Variants in NGLY1 observed in about 807,000 individuals in gnomAD.
NGLY1 encodes peptide-N(4)-(N-acetyl-beta-glucosaminyl)asparagine amidase.
A neutral mutation model predicts 84.6 loss-of-function variants in NGLY1; 68 were observed. The ratio of observed to expected loss-of-function variants is 0.80; its 90% CI spans 0.66 to 0.98. NGLY1 has a LOEUF of 0.98. NGLY1 is among the 50% of genes least tolerant of loss of function. NGLY1 has a pLI of 0.00. For missense variants in NGLY1, 779 were observed against 770.2 expected, an observed-to-expected ratio of 1.01 and a Z score of -0.14; for synonymous variants, 280 against 275.2, an observed-to-expected ratio of 1.02 and a Z score of -0.17.
chr3:25,766,402 T>A (rs1036473267), intron 2 of NGLY1, among the ~76,000 whole-genome samples: 1 of 152,072 alleles, frequency 6.6e-6, no homozygotes, highest in African/African-American at 2.4e-5. Context: ...TCAGGGAAGT[T>A]AACCTGCTTG....
chr3:25,731,495 G>C (rs958931938), intron 9 of NGLY1, among the ~76,000 whole-genome samples: 2 of 152,080 alleles, frequency 1.3e-5, no homozygotes, highest in Admixed American at 1.3e-4. Context: ...TACTGCTGGT[G>C]AGAGTATAAG....
intron 2 of NGLY1, among the ~76,000 whole-genome samples, chr3:25,772,000 C>A (rs1292390532): frequency 1.3e-5 from 2 of 152,126 alleles, no homozygotes; most frequent in Non-Finnish European, 2.9e-5. Context: ...TTCCTCTTTA[C>A]CAATTTTGAT....
intron 2 of NGLY1, among the ~76,000 whole-genome samples, chr3:25,767,699 T>C (rs1707658487): frequency 1.3e-5 from 2 of 152,230 alleles, no homozygotes; most frequent in African/African-American, 4.8e-5. Context: ...AATTTTGGGA[T>C]AGGTCTTAGG....
chr3:25,775,135 T>G (rs189867049), intron 2 of NGLY1, among the ~76,000 whole-genome samples: 3 of 152,356 alleles, frequency 2.0e-5, no homozygotes, highest in African/African-American at 7.2e-5. Context: ...CTCATGGAAT[T>G]TGCAGCAGCA....
At chr3:25,729,483 A>T (rs1705429812) in intron 9 of NGLY1, 165 bp from the exon 10 acceptor site, 2 of 388,700 alleles carry the variant, frequency 5.1e-6, no homozygotes, top group East Asian at 7.6e-5. Context: ...TATAATCAGT[A>T]TGATGTTATT....
intron 10 of NGLY1, among the ~76,000 whole-genome samples, chr3:25,721,940 G>A (rs747369911): frequency 2.0e-5 from 3 of 151,272 alleles, no homozygotes; most frequent in Non-Finnish European, 2.9e-5. Flanking sequence ...ATTTAGTGCC[G>A]GGCACAGTCA....
rs79624004 is a variant in NGLY1, at chr3:25,766,434, A to G, written c.247-2123T>C. Among the ~76,000 whole-genome samples the G allele has an allele frequency of 4.1e-3, 631 of 152,328 alleles. 4 individuals are homozygous for G. The highest frequency in any genetic ancestry group is 0.015 in the African/African-American group (609 of 41,568). ...CTTGAAGCCACAGAACAACTGGCAG[A>G]GCAGGGATTCAGACTCCATGACCTT... On this transcript the variant is annotated intron_variant, in intron 2 of 11. Coordinates refer to ENST00000280700, the MANE Select transcript of NGLY1 (RefSeq NM_018297.4).
intron 1 of NGLY1, among the ~76,000 whole-genome samples, chr3:25,779,695 A>C (rs1295024510): frequency 6.6e-6 from 1 of 152,154 alleles, no homozygotes; most frequent in Non-Finnish European, 1.5e-5. Context: ...CTGACGTAAA[A>C]ACAAAACCAA....
intron 3 of NGLY1, among the ~76,000 whole-genome samples, chr3:25,761,801 A>C (rs985807747): frequency 4.6e-5 from 7 of 152,244 alleles, no homozygotes; most frequent in African/African-American, 1.7e-4. Context: ...CATGGGAAAC[A>C]ACCCAAATGT....
chr3:25,774,882 C>T (rs1352365990), intron 2 of NGLY1, among the ~76,000 whole-genome samples: 1 of 152,196 alleles, frequency 6.6e-6, no homozygotes, highest in African/African-American at 2.4e-5. Flanking sequence ...TGTGGTCTTT[C>T]CCCAATTCCA....
chr3:25,759,158 G>A (rs1366635825), intron 3 of NGLY1, among the ~76,000 whole-genome samples: 1 of 152,188 alleles, frequency 6.6e-6, no homozygotes, highest in African/African-American at 2.4e-5. Context: ...GATACAGGGA[G>A]AGAGGAGCAA....
intron 4 of NGLY1, among the ~76,000 whole-genome samples, chr3:25,745,787 C>T (rs2125499916): frequency 1.3e-5 from 2 of 152,200 alleles, no homozygotes; most frequent in South Asian, 4.1e-4. Context: ...GATTAATCTT[C>T]CTTAAATACA....
At chr3:25,720,985 C>T (rs1704960114) in intron 10 of NGLY1, among the ~76,000 whole-genome samples, 2 of 152,100 alleles carry the variant, frequency 1.3e-5, no homozygotes, top group South Asian at 4.1e-4. Flanking sequence ...AAAGAAACCC[C>T]TTCCTCACTA....
chr3:25,785,675 A>AAAAAAC (rs1708588304), upstream of NGLY1, among the ~76,000 whole-genome samples: 1 of 152,102 alleles, frequency 6.6e-6, no homozygotes, highest in African/African-American at 2.4e-5. Flanking sequence ...CTCTACAAAA[A>AAAAAAC]AAAAACAAAA....
At chr3:25,778,806 T>G in intron 1 of NGLY1, 118 bp from the exon 2 acceptor site, 1 of 481,090 alleles carries the variant, frequency 2.1e-6, no homozygotes, top group Non-Finnish European at 3.8e-6. Context: ...ATTTTCTTTC[T>G]TCCCTAAACC....
chr3:25,768,990 A>G (rs1008791122), intron 2 of NGLY1, among the ~76,000 whole-genome samples: 9 of 152,236 alleles, frequency 5.9e-5, no homozygotes, highest in African/African-American at 2.2e-4. Context: ...AAACTATTCA[A>G]ATGACAAGGG....
At chr3:25,764,443 T>A in intron 2 of NGLY1, 132 bp from the exon 3 acceptor site, 1 of 1,002,302 alleles carries the variant, frequency 1.0e-6, no homozygotes, top group Non-Finnish European at 1.4e-6. Context: ...ACTGTTTTCT[T>A]ACCATTATGG....
upstream of NGLY1, among the ~76,000 whole-genome samples, chr3:25,787,485 T>C (rs932241636): frequency 6.6e-6 from 1 of 152,198 alleles, no homozygotes; most frequent in Non-Finnish European, 1.5e-5. Context: ...GTTGTTCTCC[T>C]GGTAAAAAGT....
At chr3:25,786,383 G>A (rs1249995134), upstream of NGLY1, among the ~76,000 whole-genome samples, 1 of 151,282 alleles carries the variant, frequency 6.6e-6, no homozygotes, top group Non-Finnish European at 1.5e-5. Flanking sequence ...TTTAATAAAG[G>A]TGAAATCCTG....
Sources: gnomAD v4.1 joint callset for allele counts (sites outside exome capture counted in the v4.1 genomes callset) on GRCh38, gnomAD v4.1.1 for gene constraint, MANE v1.5 for transcripts, NCBI Gene and HGNC (gene_info 2026-07-23, HGNC 2026-07-21) for gene names.